The following MGA variants were observed in gnomAD, a reference collection of about 807,000 sequenced individuals.
The protein encoded by MGA is MAX gene-associated protein.
In MGA, 40 loss-of-function variants were observed where a neutral mutation model predicts 261.1. The observed-to-expected ratio is 0.15, with a 90% CI of 0.12 to 0.20. MGA has a LOEUF of 0.20. Among genes scored for constraint, MGA ranks in the 10% least tolerant of loss-of-function variants. MGA has a pLI of 1.00. For missense variants in MGA, 3,397 were observed against 3,630.5 expected, an observed-to-expected ratio of 0.94 and a Z score of 1.65; for synonymous variants, 1,302 against 1,290.6, an observed-to-expected ratio of 1.01 and a Z score of -0.19.
At chr15:41,668,805 G>T (rs886926969) in intron 1 of MGA, 23 bp from the exon 2 acceptor site, 10 of 1,014,066 alleles carry the variant, frequency 9.9e-6, no homozygotes, top group Middle Eastern at 4.8e-4. Context: ...TTTGTTTTTG[G>T]TTTTTTTTTG....
At position 41,742,551 on chromosome 15, in the gene MGA, C is replaced by G. The variant is rs755589876; in HGVS notation, c.4591C>G (p.Arg1531Gly). Reference sequence around the variant, plus strand: ...CTGCAAATTTCTGTTTGCAGCGGCTCGACCCTCTCCTGGTGGTGTGTTCAC... The same window carrying G: ...CTGCAAATTTCTGTTTGCAGCGGCTGGACCCTCTCCTGGTGGTGTGTTCAC... The change falls in exon 15 of 24, where the codon CGA becomes GGA. Residue 1531 changes from arginine (R) to glycine (G), a missense_variant. Transcript: ENST00000219905. 5.0e-6 allele frequency: 8 copies of G among 1,611,046 alleles called. No individual in the cohort carries two copies. The highest frequency in any genetic ancestry group is 6.8e-6 in the Non-Finnish European group (8 of 1,178,090).
Position 41,624,414 on chromosome 15 carries a change from G to A in MGA, c.-68+3116G>A, listed in dbSNP as rs545973103. Among the ~76,000 whole-genome samples the A allele has an allele frequency of 3.1e-4, 47 of 151,548 alleles. No individual in the cohort carries two copies. In the South Asian group the frequency reaches 5.2e-3, roughly 17 times the overall value. On this transcript the variant is annotated intron_variant, in intron 1 of 8. Coordinates refer to the MGA transcript ENST00000566718. ...AGGCAGACTATGCCGCCGCCACCACGCCTAGCTAATTTTTGTATTTTTAGT... is the reference window on the plus strand; with the variant it reads ...AGGCAGACTATGCCGCCGCCACCACACCTAGCTAATTTTTGTATTTTTAGT...
At chr15:41,652,509 C>A (rs1404810055) in intron 1 of MGA, among the ~76,000 whole-genome samples, 2 of 151,672 alleles carry the variant, frequency 1.3e-5, no homozygotes, top group African/African-American at 4.8e-5. Flanking sequence ...GGACTATAGG[C>A]ATGCACCACC....
chr15:41,656,344 T>TCTCTCTCTCTCTC (rs149903830), upstream of MGA, among the ~76,000 whole-genome samples: 219 of 59,904 alleles, frequency 3.7e-3, 2 homozygotes, highest in Admixed American at 7.6e-3. Context: ...CTCTCCTCTC[T>TCTCTCTCTCTCTC]TCTCTCTCTC....
intron 2 of MGA, among the ~76,000 whole-genome samples, chr15:41,678,085 T>G (rs1240649986): frequency 6.6e-6 from 1 of 151,874 alleles, no homozygotes; most frequent in Non-Finnish European, 1.5e-5. Context: ...TGCAATCAAT[T>G]TTGAATTTTT....
intron 1 of MGA, among the ~76,000 whole-genome samples, chr15:41,626,638 G>C (rs2056461939): frequency 6.6e-6 from 1 of 152,032 alleles, no homozygotes; most frequent in Non-Finnish European, 1.5e-5. Flanking sequence ...GGTCAGGCTG[G>C]TCTTGAACTC....
Position 41,676,087 on chromosome 15 carries a change from C to T in MGA, c.1064+6129C>T, listed in dbSNP as rs187388116. On this transcript the variant is annotated intron_variant, in intron 2 of 23. Coordinates refer to ENST00000219905, the MANE Select transcript of MGA (RefSeq NM_001164273.2). ...AGTTGATTGCACACTACCATGGGTG[C>T]ACCTGGAGTTTCTGGCACATATATT... is the stretch of plus-strand genomic sequence containing the variant. 9.1e-4 allele frequency among the ~76,000 whole-genome samples: 138 copies of T among 152,284 alleles called. 1 individual carries two copies. Among genetic ancestry groups the T allele is most frequent in the Middle Eastern group, 3.4e-3 (1 of 294 alleles).
At chr15:41,690,587 G>GA (rs1333152799) in intron 2 of MGA, among the ~76,000 whole-genome samples, 2 of 152,112 alleles carry the variant, frequency 1.3e-5, no homozygotes, top group African/African-American at 4.8e-5. Flanking sequence ...GGGCACGGTG[G>GA]ATCATGCTTA....
intron 2 of MGA, among the ~76,000 whole-genome samples, chr15:41,689,301 C>T (rs565643789): frequency 3.3e-5 from 5 of 151,488 alleles, no homozygotes; most frequent in African/African-American, 1.2e-4. Flanking sequence ...CCCTTACCCT[C>T]TCTCCCTCTT....
At position 41,696,544 on chromosome 15, in the gene MGA, A is replaced by AT; in HGVS notation, c.1536dup (p.Glu513Ter). 6.2e-7 allele frequency: 1 copy of AT among 1,613,996 alleles called. No homozygotes were observed. The highest frequency in any genetic ancestry group is 8.5e-7 in the Non-Finnish European group (1 of 1,179,888). Reference sequence around the variant, plus strand: ...AGAATTGGAATATTTGCCTACATACATTGAAAATTCCAATGAGACTGCCTT... The same window carrying AT: ...AGAATTGGAATATTTGCCTACATACATTTGAAAATTCCAATGAGACTGCCTT... On this transcript the variant is annotated frameshift_variant, in exon 3 of 24. Coordinates refer to ENST00000219905, the MANE Select transcript of MGA (RefSeq NM_001164273.2). LOFTEE classifies it high-confidence loss of function.
chr15:41,644,246 T>C (rs2056886862), intron 1 of MGA, among the ~76,000 whole-genome samples: 1 of 148,868 alleles, frequency 6.7e-6, no homozygotes, highest in Non-Finnish European at 1.5e-5. Context: ...GGATGGATCA[T>C]ACATGTAATC....
upstream of MGA, among the ~76,000 whole-genome samples, chr15:41,658,430 A>G (rs758550131): frequency 6.6e-6 from 1 of 152,216 alleles, no homozygotes; most frequent in African/African-American, 2.4e-5. Flanking sequence ...GTAACCATTT[A>G]AGTGGTTACT....
At chr15:41,626,516 G>C (rs545149688) in intron 1 of MGA, among the ~76,000 whole-genome samples, 1 of 151,932 alleles carries the variant, frequency 6.6e-6, no homozygotes. Flanking sequence ...TCTGCCTCCC[G>C]GGTTCAAGTG....
chr15:41,661,875 G>A (rs954419195), intron 1 of MGA, among the ~76,000 whole-genome samples: 6 of 152,162 alleles, frequency 3.9e-5, no homozygotes, highest in African/African-American at 1.4e-4. Flanking sequence ...GTAACAGAAC[G>A]CGGCTGGGTC....
intron 1 of MGA, among the ~76,000 whole-genome samples, chr15:41,630,131 C>T (rs2056556056): frequency 6.6e-6 from 1 of 152,166 alleles, no homozygotes; most frequent in South Asian, 2.1e-4. Context: ...CTCTTTATCA[C>T]ACCTACCGTG....
upstream of MGA, among the ~76,000 whole-genome samples, chr15:41,656,200 C>T (rs1399772140): frequency 1.3e-5 from 2 of 152,052 alleles, no homozygotes; most frequent in African/African-American, 2.4e-5. Context: ...TACATTTAAA[C>T]TTAAGTATGA....
At chr15:41,719,521 A>G (rs924398362) in intron 9 of MGA, among the ~76,000 whole-genome samples, 7 of 152,286 alleles carry the variant, frequency 4.6e-5, no homozygotes, top group Admixed American at 1.3e-4. Context: ...CTAGTGAATC[A>G]TCTGAGCTCA....
Position 41,766,349 on chromosome 15 carries a change from A to G in MGA, c.8267A>G (p.Tyr2756Cys). The change falls in exon 24 of 24, where the codon TAT (tyrosine) becomes TGT (cysteine). Residue 2756 changes from tyrosine to cysteine, a missense_variant. Tyr to Cys is a radical substitution (Grantham distance 194). Around this residue, in one of 9 missense-constraint regions of MGA, gnomAD observed 647 missense variants for 642.4 expected, o/e 1.01. Coordinates refer to ENST00000219905, the MANE Select transcript of MGA (RefSeq NM_001164273.2). Reference sequence around the variant, plus strand: ...TCTGGTGATATGAGAGGGATTCAGTATAAATGGAAAGAGAGTGAATCAAGA... The same window carrying G: ...TCTGGTGATATGAGAGGGATTCAGTGTAAATGGAAAGAGAGTGAATCAAGA... 6.2e-7 allele frequency: 1 copy of G among 1,613,932 alleles called. No homozygotes were observed. Among genetic ancestry groups the G allele is most frequent in the Non-Finnish European group, 8.5e-7 (1 of 1,179,838 alleles).
At position 41,696,544 on chromosome 15, in the gene MGA, A is replaced by G. The variant is rs769910757; in HGVS notation, c.1534A>G (p.Ile512Val). The G allele has an allele frequency of 3.1e-6, 5 of 1,613,996 alleles. No homozygotes were observed. Among genetic ancestry groups the G allele is most frequent in the Admixed American group, 3.3e-5 (2 of 60,020 alleles). The change falls in exon 3 of 24, where the codon ATT becomes GTT. Residue 512 changes from isoleucine to valine, a missense_variant. By Grantham distance (29) the Ile-to-Val change is conservative. This residue lies in a region of MGA where 563 missense variants were observed against 563.6 expected (regional missense o/e 1.00). Transcript: ENST00000219905. The stretch of plus-strand genomic sequence containing the variant: ...AGAATTGGAATATTTGCCTACATAC[A>G]TTGAAAATTCCAATGAGACTGCCTT...
Sources: gnomAD v4.1 joint callset for allele counts (sites outside exome capture counted in the v4.1 genomes callset) on GRCh38, gnomAD v4.1.1 for gene constraint, gnomAD v4.1.1 regional missense constraint, MANE v1.5 for transcripts, NCBI Gene and HGNC (gene_info 2026-07-23, HGNC 2026-07-21) for gene names.